Variants in TRHDE observed in about 807,000 individuals in gnomAD.
TRHDE encodes thyrotropin-releasing hormone-degrading ectoenzyme.
A neutral mutation model predicts 125.7 loss-of-function variants in TRHDE; 72 were observed. The ratio of observed to expected loss-of-function variants is 0.57; its 90% CI spans 0.47 to 0.70. The LOEUF (loss-of-function observed/expected upper bound fraction) is 0.70, where lower values mean the gene tolerates loss of function less well. Among genes scored for constraint, TRHDE ranks in the 30% least tolerant of loss-of-function variants. TRHDE has a pLI of 0.00. For missense variants in TRHDE, 1,110 were observed against 1,327.1 expected (o/e 0.84, Z 2.54); for synonymous variants, 509 against 509.1 (o/e 1.00, Z 0.00).
intron 2 of TRHDE, among the ~76,000 whole-genome samples, chr12:72,352,702 A>T (rs893928256): frequency 6.6e-6 from 1 of 151,758 alleles, no homozygotes; most frequent in Non-Finnish European, 1.5e-5. Context: ...TTGAACACTG[A>T]TTCTTATCAA....
Position 72,652,446 on chromosome 12 carries a change from T to C in TRHDE, c.2800T>C (p.Leu934=), listed in dbSNP as rs1874543427. The change falls in exon 16 of 19, where the codon TTG becomes CTG. Residue 934 remains leucine (L), a synonymous_variant. Transcript: ENST00000261180. ...AGCAGTTTCTGAGAAGAAAATATTA[T>C]TGGAAGCCTTAACTTGCAGTGATGA... ...TTAVSEKKIL[L]EALTCSDDRN... The C allele has an allele frequency of 4.4e-6, 7 of 1,608,814 alleles. No homozygotes were observed. Among genetic ancestry groups the C allele is most frequent in the Middle Eastern group, 1.7e-4 (1 of 6,034 alleles).
intron 3 of TRHDE, among the ~76,000 whole-genome samples, chr12:72,396,523 A>G (rs1242111855): frequency 2.0e-5 from 3 of 152,074 alleles, no homozygotes; most frequent in Non-Finnish European, 4.4e-5. Context: ...AGGCGGGTGG[A>G]TCATGAGGTC....
chr12:72,127,799 T>A (rs1875751075), intron 2 of TRHDE, among the ~76,000 whole-genome samples: 1 of 152,156 alleles, frequency 6.6e-6, no homozygotes, highest in Non-Finnish European at 1.5e-5. Flanking sequence ...CAAACTTGCA[T>A]ACATATCTCC....
intron 2 of TRHDE, among the ~76,000 whole-genome samples, chr12:72,112,869 T>A (rs559384972): frequency 1.8e-4 from 27 of 152,292 alleles, no homozygotes; most frequent in African/African-American, 6.5e-4. Flanking sequence ...TACATTTTGT[T>A]GGCTTTCAAA....
At chr12:72,554,786 T>G (rs964181387) in intron 7 of TRHDE, among the ~76,000 whole-genome samples, 19 of 152,184 alleles carry the variant, frequency 1.2e-4, no homozygotes, top group African/African-American at 4.1e-4. Context: ...TAGAAATATT[T>G]TAGAACCCCA....
intron 15 of TRHDE, among the ~76,000 whole-genome samples, chr12:72,639,437 G>A (rs1274989775): frequency 6.6e-6 from 1 of 152,054 alleles, no homozygotes; most frequent in Admixed American, 6.5e-5. Flanking sequence ...AAACTTCTTT[G>A]CCTTTGGTTT....
rs1875182434 is a variant in TRHDE at position 72,668,870 on chromosome 12, A to G, written c.*5675A>G. Reference sequence around the variant, plus strand: ...CATTAATCTGCCCTCAGCATGTATGAAAACATAATGTTTATCCGTACAGAC... The same window carrying G: ...CATTAATCTGCCCTCAGCATGTATGGAAACATAATGTTTATCCGTACAGAC... On this transcript the variant is annotated 3_prime_UTR_variant, in exon 19 of 19. Coordinates refer to ENST00000261180, the MANE Select transcript of TRHDE (RefSeq NM_013381.3). 1 of 151,874 alleles carries G rather than the reference A, an allele frequency of 6.6e-6. No individual in the cohort carries two copies. The allele number at this position is 151,874 out of a possible 1,614,324, so 9.4% of individuals were successfully genotyped here. A position where few individuals can be genotyped will look rare whatever the true frequency, so the allele number is the denominator to read the frequency against.
intron 2 of TRHDE, among the ~76,000 whole-genome samples, chr12:72,143,052 T>C (rs1592456626): frequency 6.6e-6 from 1 of 152,284 alleles, no homozygotes; most frequent in African/African-American, 2.4e-5. Context: ...TCCACTAAGC[T>C]GATTAACACT....
chr12:72,316,892 C>T lies in TRHDE; in HGVS notation c.1188+29938C>T, dbSNP rs547431784. 5.9e-5 allele frequency among the ~76,000 whole-genome samples: 9 copies of T among 152,124 alleles called. No individual in the cohort carries two copies. In the South Asian group the frequency reaches 6.2e-4, roughly 11 times the overall value. ...TATCTTGTGGTAGCTCATATAGGAC[C>T]GCATTTAATACAAGCCCGAATTCCT... On this transcript the variant is annotated intron_variant, in intron 2 of 18. Transcript: ENST00000261180.
Position 72,563,034 on chromosome 12 carries a change from A to G in TRHDE, c.2036A>G (p.Asn679Ser), listed in dbSNP as rs747965814. Residue 679 changes from asparagine (N) to serine (S), a missense_variant, in exon 9 of 19, where the codon AAT becomes AGT. Physicochemically the swap from Asn to Ser is conservative, Grantham distance 46 (BLOSUM62 1). Around this residue, in one of 5 missense-constraint regions of TRHDE, gnomAD observed 527 missense variants for 651.8 expected, o/e 0.81. Coordinates refer to ENST00000261180, the MANE Select transcript of TRHDE (RefSeq NM_013381.3). Reference protein sequence around the residue: ...SAKTKALKLQNNSYLWQIPLT... With the variant: ...SAKTKALKLQSNSYLWQIPLT... Reference sequence around the variant, plus strand: ...AAAACTAAAGCACTTAAACTTCAGAATAACAGGTATGACATTCTTTTTTAC... The same window carrying G: ...AAAACTAAAGCACTTAAACTTCAGAGTAACAGGTATGACATTCTTTTTTAC... 1 of 1,588,696 alleles carries G rather than the reference A, an allele frequency of 6.3e-7. No homozygotes were observed. The highest frequency in any genetic ancestry group is 2.3e-5 in the East Asian group (1 of 44,192).
In TRHDE at chr12:72,478,885, C is replaced by A. The variant is rs1035230606; in HGVS notation, c.1584+5705C>A. Among the ~76,000 whole-genome samples, 21 of 127,346 alleles carry A rather than the reference C, an allele frequency of 1.6e-4. 1 individual carries two copies. Among genetic ancestry groups the A allele is most frequent in the Admixed American group, 1.6e-3 (17 of 10,316 alleles). 83.5% of individuals were successfully genotyped at this position (127,346 alleles called of 152,430 possible). Reference sequence around the variant, plus strand: ...AGCAGGCCTGACACTGGAATCTAACCAGTGGAGACTGAATAGATATTAATA... The same window carrying A: ...AGCAGGCCTGACACTGGAATCTAACAAGTGGAGACTGAATAGATATTAATA... On this transcript the variant is annotated intron_variant, in intron 5 of 18. Coordinates refer to ENST00000261180, the MANE Select transcript of TRHDE (RefSeq NM_013381.3).
chr12:72,120,288 G>A (rs995830095), intron 2 of TRHDE, among the ~76,000 whole-genome samples: 1 of 151,830 alleles, frequency 6.6e-6, no homozygotes, highest in Non-Finnish European at 1.5e-5. Flanking sequence ...TGACCTCATG[G>A]TCTGCCTGAC....
chr12:72,430,337 GTATA>G (rs1565738237), intron 3 of TRHDE, among the ~76,000 whole-genome samples: 1 of 139,086 alleles, frequency 7.2e-6, no homozygotes, highest in African/African-American at 2.7e-5. Flanking sequence ...ATATATACAT[GTATA>G]TATACATGTA....
rs1565791391 is a variant in TRHDE at position 72,563,047 on chromosome 12, C to T, written c.2042+7C>T. On this transcript the variant is annotated splice_region_variant and intron_variant, in intron 9 of 18. Coordinates refer to ENST00000261180, the MANE Select transcript of TRHDE (RefSeq NM_013381.3). ...TTAAACTTCAGAATAACAGGTATGA[C>T]ATTCTTTTTTACGTGAAAAATATTG... 1 of 1,554,878 alleles carries T rather than the reference C, an allele frequency of 6.4e-7. No individual in the cohort carries two copies. Among genetic ancestry groups the T allele is most frequent in the Non-Finnish European group, 8.7e-7 (1 of 1,146,926 alleles).
intron 15 of TRHDE, among the ~76,000 whole-genome samples, chr12:72,643,268 T>C (rs891774980): frequency 6.6e-6 from 1 of 152,124 alleles, no homozygotes; most frequent in African/African-American, 2.4e-5. Context: ...TAGCTGAGAC[T>C]GAGGACTATT....
intron 15 of TRHDE, among the ~76,000 whole-genome samples, chr12:72,651,148 T>G (rs1174515833): frequency 6.6e-6 from 1 of 152,158 alleles, no homozygotes; most frequent in Non-Finnish European, 1.5e-5. Context: ...AAAATTAAAG[T>G]AACGTTTCTC....
intron 5 of TRHDE, among the ~76,000 whole-genome samples, chr12:72,488,469 A>C (rs897118148): frequency 4.6e-5 from 7 of 152,072 alleles, no homozygotes; most frequent in African/African-American, 1.7e-4. Context: ...AATATTGTAA[A>C]TGTGTATGCA....
intron 2 of TRHDE, among the ~76,000 whole-genome samples, chr12:72,247,947 CATCT>C (rs773884234): frequency 8.6e-5 from 13 of 152,014 alleles, no homozygotes; most frequent in Non-Finnish European, 1.8e-4. Context: ...ATCTTTTTAT[CATCT>C]ATCAATCTGT....
chr12:72,487,841 A>C (rs1186017526), intron 5 of TRHDE, among the ~76,000 whole-genome samples: 1 of 152,158 alleles, frequency 6.6e-6, no homozygotes, highest in Non-Finnish European at 1.5e-5. Context: ...CCAGGAACAC[A>C]CAATATAAAA....
Sources: gnomAD v4.1 joint callset for allele counts (sites outside exome capture counted in the v4.1 genomes callset) on GRCh38, gnomAD v4.1.1 for gene constraint, gnomAD v4.1.1 regional missense constraint, MANE v1.5 for transcripts, NCBI Gene and HGNC (gene_info 2026-07-23, HGNC 2026-07-21) for gene names.